The following AIG1 variants were observed in gnomAD, a reference collection of about 807,000 sequenced individuals.
AIG1 encodes androgen-induced gene 1 protein.
AIG1 carries 23 observed loss-of-function variants against 31.4 expected under a neutral mutation model. That is an observed-to-expected ratio of 0.73 (90% CI 0.53 to 1.04). The LOEUF is 1.04. AIG1 is among the 50% of genes least tolerant of loss of function. The probability of loss-of-function intolerance (pLI) is 0.00; values close to 1 mark genes in which losing one functional copy is unlikely to be tolerated. For synonymous variants in AIG1, 100 were observed against 110.5 expected (o/e 0.90, Z 0.60); for missense variants, 274 against 295.0 (o/e 0.93, Z 0.52).
intron 1 of AIG1, among the ~76,000 whole-genome samples, chr6:143,123,678 A>G (rs553376542): frequency 1.3e-5 from 2 of 152,084 alleles, no homozygotes; most frequent in South Asian, 2.1e-4. Flanking sequence ...TTATTTATCT[A>G]TGGTTGAGTC....
At chr6:143,322,826 T>C (rs1776324063) in intron 4 of AIG1, among the ~76,000 whole-genome samples, 1 of 152,160 alleles carries the variant, frequency 6.6e-6, no homozygotes, top group Non-Finnish European at 1.5e-5. Context: ...ACAATTTGCC[T>C]CTTTCTCCAG....
intron 4 of AIG1, among the ~76,000 whole-genome samples, chr6:143,309,165 C>A (rs1428181963): frequency 6.6e-6 from 1 of 151,806 alleles, no homozygotes; most frequent in African/African-American, 2.4e-5. Context: ...AAGCCGTCAA[C>A]CTAGAATTCT....
chr6:143,194,549 T>C (rs1268729007), intron 3 of AIG1, among the ~76,000 whole-genome samples: 2 of 152,244 alleles, frequency 1.3e-5, no homozygotes, highest in African/African-American at 4.8e-5. Flanking sequence ...TGATCATAAC[T>C]TGGGTTGACT....
At chr6:143,257,019 C>T (rs1795417645) in intron 3 of AIG1, among the ~76,000 whole-genome samples, 1 of 151,332 alleles carries the variant, frequency 6.6e-6, no homozygotes, top group Non-Finnish European at 1.5e-5. Flanking sequence ...GTCCATAAAG[C>T]ATGCAGCTAG....
At chr6:143,096,431 C>T (rs182450753) in intron 1 of AIG1, among the ~76,000 whole-genome samples, 3 of 152,276 alleles carry the variant, frequency 2.0e-5, no homozygotes, top group African/African-American at 7.2e-5. Flanking sequence ...TTTTAATATG[C>T]TTTATCATTG....
chr6:143,117,762 G>A (rs868049465), intron 1 of AIG1, among the ~76,000 whole-genome samples: 3 of 152,108 alleles, frequency 2.0e-5, no homozygotes, highest in African/African-American at 7.2e-5. Flanking sequence ...GAGCTCCAAC[G>A]ACTGAGCATT....
intron 3 of AIG1, among the ~76,000 whole-genome samples, chr6:143,204,553 G>T (rs1421570231): frequency 6.6e-6 from 1 of 152,110 alleles, no homozygotes; most frequent in Non-Finnish European, 1.5e-5. Flanking sequence ...GAAGGCCAGA[G>T]CATCACTTCT....
rs201952727 is a variant in AIG1 at position 143,100,931 on chromosome 6, C to T, written c.142-35904C>T. 7.9e-5 allele frequency among the ~76,000 whole-genome samples: 12 copies of T among 152,198 alleles called. No homozygotes were observed. The South Asian group carries it at 1.5e-3, about 18-fold the overall frequency. ...AACTCCTGACCTCAAGTGATCCACC[C>T]GCCTCGGCCTCCCAAAGTGCTGGGA... On this transcript the variant is annotated intron_variant, in intron 1 of 5. Transcript: ENST00000357847.
At chr6:143,183,384 G>A (rs1302227390) in intron 3 of AIG1, among the ~76,000 whole-genome samples, 1 of 151,992 alleles carries the variant, frequency 6.6e-6, no homozygotes, top group Non-Finnish European at 1.5e-5. Flanking sequence ...TTAGTAGAGA[G>A]GGGGTTTCAC....
In AIG1 at chr6:143,326,740, A is replaced by G. The variant is rs932779951; in HGVS notation, c.516-6542A>G. ...TTGAGCTAATATAGAAAAGATACAT[A>G]TAACCTAATTATTCTAAGTGGTGGC... is the stretch of plus-strand genomic sequence containing the variant. On this transcript the variant is annotated intron_variant, in intron 4 of 5. Coordinates refer to ENST00000357847, the MANE Select transcript of AIG1 (RefSeq NM_016108.4). This position sits in a 1 kb window ranked among gnomAD's most constrained non-coding sequence, Gnocchi z 4.5. Among the ~76,000 whole-genome samples the G allele has an allele frequency of 6.6e-6, 1 of 152,204 alleles. No individual in the cohort carries two copies. The highest frequency in any genetic ancestry group is 1.5e-5 in the Non-Finnish European group (1 of 68,034).
intron 4 of AIG1, among the ~76,000 whole-genome samples, chr6:143,323,223 G>T (rs548699444): frequency 1.3e-5 from 2 of 152,278 alleles, no homozygotes; most frequent in South Asian, 4.2e-4. Flanking sequence ...AAATAAAAAT[G>T]CAGAGCCCCT....
chr6:143,173,120 A>G (rs992048715), intron 3 of AIG1, among the ~76,000 whole-genome samples: 1 of 151,988 alleles, frequency 6.6e-6, no homozygotes, highest in East Asian at 1.9e-4. Context: ...CAGTGGTACA[A>G]TCTTGGTTCA....
intron 3 of AIG1, among the ~76,000 whole-genome samples, chr6:143,281,792 G>A (rs185894557): frequency 6.6e-6 from 1 of 152,270 alleles, no homozygotes; most frequent in African/African-American, 2.4e-5. Context: ...CAAATGATAA[G>A]CTGTTATGAC....
In AIG1 at chr6:143,288,763, G is replaced by A. The variant is rs1196753292; in HGVS notation, c.515+4538G>A. ...CTGAGAAAGTGTGCCCAAGATGGTT[G>A]GGTTACAGTTTGGTTTTATACATTT... On this transcript the variant is annotated intron_variant, in intron 4 of 5. Transcript: ENST00000357847. The surrounding 1 kb of genome is among the most constrained non-coding windows in gnomAD (Gnocchi z 4.4). Among the ~76,000 whole-genome samples the A allele has an allele frequency of 1.3e-5, 2 of 152,156 alleles. No individual in the cohort carries two copies. Among genetic ancestry groups the A allele is most frequent in the Non-Finnish European group, 2.9e-5 (2 of 68,026 alleles).
Position 143,185,819 on chromosome 6 carries a change from A to G in AIG1, c.399+20636A>G, listed in dbSNP as rs55971918. Among the ~76,000 whole-genome samples the G allele has an allele frequency of 4.9e-3, 742 of 152,242 alleles. 7 individuals carry two copies. The highest frequency in any genetic ancestry group is 5.3e-3 in the Non-Finnish European group (358 of 68,006). On this transcript the variant is annotated intron_variant, in intron 3 of 5. Coordinates refer to ENST00000357847, the MANE Select transcript of AIG1 (RefSeq NM_016108.4). The stretch of plus-strand genomic sequence containing the variant: ...GAATGAACTTCTATCACATTTCCTT[A>G]TTCTCCAAGTCTAGTAACACTTTCT...
intron 3 of AIG1, among the ~76,000 whole-genome samples, chr6:143,254,112 G>T (rs2128650698): frequency 6.6e-6 from 1 of 152,240 alleles, no homozygotes; most frequent in East Asian, 1.9e-4. Flanking sequence ...CCTTTTGTGG[G>T]TCTGTTGGAG....
At chr6:143,294,185 G>A (rs568026697) in intron 4 of AIG1, among the ~76,000 whole-genome samples, 2 of 152,236 alleles carry the variant, frequency 1.3e-5, no homozygotes, top group East Asian at 1.9e-4. Flanking sequence ...TCATTCTCCT[G>A]TAAGTTCAGT....
intron 3 of AIG1, among the ~76,000 whole-genome samples, chr6:143,233,313 C>G (rs989927140): frequency 6.6e-6 from 1 of 151,710 alleles, no homozygotes; most frequent in Admixed American, 6.6e-5. Flanking sequence ...ATTTTAAAAC[C>G]AAGTCCTGAG....
At chr6:143,132,675 G>A (rs2096429397) in intron 1 of AIG1, among the ~76,000 whole-genome samples, 1 of 151,528 alleles carries the variant, frequency 6.6e-6, no homozygotes, top group African/African-American at 2.4e-5. Context: ...TGACCTTTGG[G>A]TCTCCAATAC....
Sources: gnomAD v4.1 joint callset for allele counts (sites outside exome capture counted in the v4.1 genomes callset) on GRCh38, gnomAD v4.1.1 for gene constraint, Gnocchi (gnomAD v3.1) non-coding constraint, MANE v1.5 for transcripts, NCBI Gene and HGNC (gene_info 2026-07-23, HGNC 2026-07-21) for gene names.